KDM4C: variants seen among roughly 807,000 people sequenced by gnomAD.
The protein encoded by KDM4C is lysine demethylase 4C, also known as lysine-specific demethylase 4C.
KDM4C carries 81 observed loss-of-function variants against 129.3 expected under a neutral mutation model. That is an observed-to-expected ratio of 0.63 (90% CI 0.52 to 0.75). The LOEUF is 0.75. Among genes scored for constraint, KDM4C ranks in the 30% least tolerant of loss-of-function variants. The pLI is 0.00. For missense variants in KDM4C, 1,457 were observed against 1,304.0 expected (o/e 1.12, Z -1.81); for synonymous variants, 573 against 456.1 (o/e 1.26, Z -3.26).
chr9:6,948,929 A>G (rs1827514159), intron 8 of KDM4C, among the ~76,000 whole-genome samples: 1 of 152,086 alleles, frequency 6.6e-6, no homozygotes, highest in Admixed American at 6.5e-5. Flanking sequence ...TCTTTTCCCC[A>G]CATTTCCCCC....
chr9:6,884,865 A>G (rs1845017110), intron 6 of KDM4C, among the ~76,000 whole-genome samples: 1 of 152,262 alleles, frequency 6.6e-6, no homozygotes, highest in East Asian at 1.9e-4. Flanking sequence ...AGCAATAGCT[A>G]ATATATTATA....
At chr9:6,831,106 T>C (rs115180469) in intron 4 of KDM4C, among the ~76,000 whole-genome samples, 1,689 of 152,354 alleles carry the variant, frequency 0.011, 30 homozygotes, top group African/African-American at 0.037. Context: ...TGTTATTTTT[T>C]TTCTTATTTT....
chr9:6,834,971 C>T (rs1006293960), intron 4 of KDM4C: 3 of 997,088 alleles, frequency 3.0e-6, no homozygotes, highest in Admixed American at 1.7e-5. Context: ...TGCCCTCCCC[C>T]ACACCATCCT....
chr9:6,849,572 C>T lies in KDM4C; in HGVS notation c.501C>T (p.Gly167=), dbSNP rs1166874252. ...TGGATGTGGTTGAAGAAGAGTGTGG[C>T]ATTTCTATTGAGGGTGTAAATACCC... is the stretch of plus-strand genomic sequence containing the variant. The part of the protein sequence containing the change: ...TVLDVVEEEC[G]ISIEGVNTPY... Residue 167 remains glycine (G), a synonymous_variant, in exon 5 of 22, where the codon GGC becomes GGT. Coordinates refer to ENST00000381309, the MANE Select transcript of KDM4C (RefSeq NM_015061.6). The T allele has an allele frequency of 6.2e-7, 1 of 1,613,578 alleles. No individual in the cohort carries two copies. The highest frequency in any genetic ancestry group is 8.5e-7 in the Non-Finnish European group (1 of 1,179,758).
chr9:6,807,912 C>T (rs1171612515), intron 3 of KDM4C, among the ~76,000 whole-genome samples: 4 of 138,606 alleles, frequency 2.9e-5, no homozygotes, highest in African/African-American at 5.6e-5. Context: ...GCCCCCAGCC[C>T]GGCCAGCCAC....
chr9:7,153,222 T>C (rs1055060142), intron 19 of KDM4C, among the ~76,000 whole-genome samples: 1 of 152,154 alleles, frequency 6.6e-6, no homozygotes, highest in African/African-American at 2.4e-5. Context: ...ACACTTTGGG[T>C]GAGCCACCAT....
intron 4 of KDM4C, among the ~76,000 whole-genome samples, chr9:6,821,509 T>C (rs953141213): frequency 6.6e-6 from 1 of 152,238 alleles, no homozygotes; most frequent in South Asian, 2.1e-4. Flanking sequence ...GTTGGCTGCA[T>C]AGATGTCTTC....
At chr9:7,132,538 T>C (rs1840755421) in intron 19 of KDM4C, among the ~76,000 whole-genome samples, 1 of 152,224 alleles carries the variant, frequency 6.6e-6, no homozygotes, top group African/African-American at 2.4e-5. Context: ...AAACTCCACA[T>C]GCAATCTGTA....
intron 17 of KDM4C, among the ~76,000 whole-genome samples, chr9:7,083,270 G>T (rs1377250691): frequency 6.6e-6 from 1 of 152,166 alleles, no homozygotes; most frequent in African/African-American, 2.4e-5. Context: ...GTAAATCTAA[G>T]ATCTGAAATA....
intron 1 of KDM4C, among the ~76,000 whole-genome samples, chr9:6,790,950 T>C (rs924296326): frequency 1.3e-5 from 2 of 152,172 alleles, no homozygotes; most frequent in Non-Finnish European, 2.9e-5. Context: ...CTATAGTCTT[T>C]CCTTTCTATG....
intron 5 of KDM4C, among the ~76,000 whole-genome samples, chr9:6,860,454 T>C (rs1840717213): frequency 6.6e-6 from 1 of 152,198 alleles, no homozygotes; most frequent in South Asian, 2.1e-4. Context: ...AGTCAGTCCT[T>C]GTCAGGAGTT....
chr9:6,962,343 T>C (rs1307275835), intron 8 of KDM4C, among the ~76,000 whole-genome samples: 1 of 152,210 alleles, frequency 6.6e-6, no homozygotes, highest in Non-Finnish European at 1.5e-5. Context: ...AGATAAGTTA[T>C]CCAGTCTTCT....
At chr9:6,811,238 C>T (rs1831088365) in intron 3 of KDM4C, among the ~76,000 whole-genome samples, 1 of 152,174 alleles carries the variant, frequency 6.6e-6, no homozygotes, top group East Asian at 1.9e-4. Context: ...ACTGCAACCT[C>T]CGCCTGCTGG....
intron 4 of KDM4C, among the ~76,000 whole-genome samples, chr9:6,824,638 C>A (rs78598391): frequency 1.1e-3 from 145 of 126,828 alleles, no homozygotes; most frequent in South Asian, 1.2e-3. Context: ...GACTCCGTCT[C>A]AAAAAAAAAA....
chr9:6,948,631 G>GCCTT (rs1233192704), intron 8 of KDM4C, among the ~76,000 whole-genome samples: 4 of 151,228 alleles, frequency 2.6e-5, no homozygotes, highest in Non-Finnish European at 5.9e-5. Flanking sequence ...GGACCCTGCG[G>GCCTT]CCTTCCGCAG....
At chr9:7,119,725 T>C (rs540868924) in intron 18 of KDM4C, among the ~76,000 whole-genome samples, 20 of 152,270 alleles carry the variant, frequency 1.3e-4, no homozygotes, top group South Asian at 1.2e-3. Flanking sequence ...TTTGAAAACA[T>C]AGTTCTGAGT....
At chr9:6,757,375 C>T (rs1278997913), upstream of KDM4C, among the ~76,000 whole-genome samples, 2 of 152,220 alleles carry the variant, frequency 1.3e-5, no homozygotes, top group African/African-American at 4.8e-5. Flanking sequence ...GGTGACTCAA[C>T]ACCGGACAGT....
chr9:6,999,838 A>C (rs1820408720), intron 12 of KDM4C, among the ~76,000 whole-genome samples: 1 of 152,168 alleles, frequency 6.6e-6, no homozygotes, highest in Non-Finnish European at 1.5e-5. Context: ...TTGAAAAATA[A>C]ATGCTGTGTG....
chr9:6,879,362 T>C (rs1406206959), intron 5 of KDM4C, among the ~76,000 whole-genome samples: 1 of 152,200 alleles, frequency 6.6e-6, no homozygotes, highest in Non-Finnish European at 1.5e-5. Flanking sequence ...AATGAGTATT[T>C]CTGTTCTTTA....
Sources: gnomAD v4.1 joint callset for allele counts (sites outside exome capture counted in the v4.1 genomes callset) on GRCh38, gnomAD v4.1.1 for gene constraint, MANE v1.5 for transcripts, NCBI Gene and HGNC (gene_info 2026-07-23, HGNC 2026-07-21) for gene names.